The following SH3TC1 variants were observed in gnomAD, a reference collection of about 807,000 sequenced individuals.
The protein encoded by SH3TC1 is SH3 domain and tetratricopeptide repeat-containing protein 1.
Under a neutral mutation model 117.3 loss-of-function variants are expected in SH3TC1, and 135 were observed. That is an observed-to-expected ratio of 1.15 (90% CI 1.00 to 1.33). The LOEUF (loss-of-function observed/expected upper bound fraction) is 1.33. Among genes scored for constraint, SH3TC1 ranks in the 40% most tolerant of loss-of-function variants. The pLI is 0.00. For missense variants in SH3TC1, 2,092 were observed against 1,794.3 expected, an observed-to-expected ratio of 1.17 and a Z score of -3.00; for synonymous variants, 898 against 816.9, an observed-to-expected ratio of 1.10 and a Z score of -1.69.
chr4:8,199,256 G>C (rs1717674206), upstream of SH3TC1: 1 of 152,310 alleles, frequency 6.6e-6, no homozygotes, highest in Non-Finnish European at 1.5e-5. Flanking sequence ...CCGCTGTGCA[G>C]TCAGCCTGGC....
At position 8,240,990 on chromosome 4, in the gene SH3TC1, G is replaced by C; in HGVS notation, c.*35G>C. On this transcript the variant is annotated 3_prime_UTR_variant, in exon 18 of 18. Coordinates refer to ENST00000245105, the MANE Select transcript of SH3TC1 (RefSeq NM_018986.5). ...CCAAGGGAGTGGGTTTTGTGCAAGGGCTGGGGGTCTCCTGCCTCTCCTGGT... is the reference window on the plus strand; with the variant it reads ...CCAAGGGAGTGGGTTTTGTGCAAGGCCTGGGGGTCTCCTGCCTCTCCTGGT... 1 of 1,592,538 alleles carries C rather than the reference G, an allele frequency of 6.3e-7. No individual in the cohort carries two copies. The highest frequency in any genetic ancestry group is 8.5e-7 in the Non-Finnish European group (1 of 1,171,056).
chr4:8,237,272 T>C (rs2152998440), intron 16 of SH3TC1: 1 of 482,120 alleles, frequency 2.1e-6, no homozygotes, highest in East Asian at 3.5e-5. Context: ...AGTCCGACTT[T>C]GCCAAAGCCT....
At chr4:8,216,566 C>T (rs964261003) in intron 6 of SH3TC1, among the ~76,000 whole-genome samples, 1 of 152,286 alleles carries the variant, frequency 6.6e-6, no homozygotes, top group African/African-American at 2.4e-5. Flanking sequence ...GGCTGGCCGC[C>T]GAGTCTGAGG....
At chr4:8,235,289 CG>C in intron 14 of SH3TC1, 143 bp from the exon 15 acceptor site, 1 of 967,228 alleles carries the variant, frequency 1.0e-6, no homozygotes, top group Non-Finnish European at 1.4e-6. Flanking sequence ...GCGGTGGGGG[CG>C]GCCCTAATGC....
chr4:8,202,166 A>C (rs1717882885), intron 1 of SH3TC1, among the ~76,000 whole-genome samples: 1 of 152,196 alleles, frequency 6.6e-6, no homozygotes, highest in South Asian at 2.1e-4. Context: ...GGTGGTGGGC[A>C]CAGGCAGCCA....
intron 1 of SH3TC1, among the ~76,000 whole-genome samples, chr4:8,189,390 G>A (rs534208306): frequency 3.9e-5 from 6 of 152,278 alleles, no homozygotes; most frequent in Non-Finnish European, 8.8e-5. Flanking sequence ...CGCAGGGCAA[G>A]GGCTGGCCGG....
rs1050435415 is a variant in SH3TC1 at position 8,183,096 on chromosome 4, T to G, written c.-57+886T>G. 6.6e-6 allele frequency among the ~76,000 whole-genome samples: 1 copy of G among 152,120 alleles called. No individual in the cohort carries two copies. On this transcript the variant is annotated intron_variant, in intron 1 of 16. Coordinates refer to the SH3TC1 transcript ENST00000508641. The surrounding 1 kb of genome is among the most constrained non-coding windows in gnomAD (Gnocchi z 5.4). ...GGCCCCTGGCAAGGGGTGGGGCCTCTGTGAGCCTCAGTTTCTCAGCATGCC... is the reference window on the plus strand; with the variant it reads ...GGCCCCTGGCAAGGGGTGGGGCCTCGGTGAGCCTCAGTTTCTCAGCATGCC...
At chr4:8,237,763 T>A in intron 17 of SH3TC1, 93 bp downstream of exon 17, 1 of 1,356,076 alleles carries the variant, frequency 7.4e-7, no homozygotes, top group Non-Finnish European at 9.9e-7. Flanking sequence ...CAGCCTTCCT[T>A]AAGAATGGCC....
chr4:8,202,376 C>A (rs568870073), intron 1 of SH3TC1, among the ~76,000 whole-genome samples: 71 of 152,350 alleles, frequency 4.7e-4, no homozygotes, highest in African/African-American at 1.7e-3. Flanking sequence ...CTGTGTTCTG[C>A]GTCCGCAGTT....
chr4:8,188,756 G>A (rs1717314595), intron 1 of SH3TC1, among the ~76,000 whole-genome samples: 1 of 152,238 alleles, frequency 6.6e-6, no homozygotes, highest in East Asian at 1.9e-4. Flanking sequence ...GACGCCACCT[G>A]GGAGACACCC....
At chr4:8,222,178 G>T (rs1274242404) in intron 9 of SH3TC1, among the ~76,000 whole-genome samples, 2 of 151,956 alleles carry the variant, frequency 1.3e-5, no homozygotes, top group Non-Finnish European at 1.5e-5. Context: ...AGATTGGATT[G>T]GTTCTGTCTG....
chr4:8,212,280 A>G (rs1718814624), intron 3 of SH3TC1, among the ~76,000 whole-genome samples: 1 of 150,718 alleles, frequency 6.6e-6, no homozygotes, highest in Non-Finnish European at 1.5e-5. Context: ...GTGGAGGAGG[A>G]GCTTGCTAAG....
At chr4:8,196,135 G>T (rs1047009523), upstream of SH3TC1, among the ~76,000 whole-genome samples, 4 of 152,258 alleles carry the variant, frequency 2.6e-5, no homozygotes, top group African/African-American at 9.6e-5. The surrounding 1 kb of genome is among the most constrained non-coding windows in gnomAD (Gnocchi z 4.6). Flanking sequence ...ACTGAGGTGT[G>T]CACCTGTGCT....
intron 11 of SH3TC1, among the ~76,000 whole-genome samples, chr4:8,226,442 C>G (rs1720465742): frequency 6.6e-6 from 1 of 152,224 alleles, no homozygotes; most frequent in East Asian, 1.9e-4. Context: ...GCTACAACAT[C>G]CCTGTCCTCT....
chr4:8,201,963 A>G (rs1257736239), intron 1 of SH3TC1, among the ~76,000 whole-genome samples: 1 of 152,200 alleles, frequency 6.6e-6, no homozygotes, highest in Non-Finnish European at 1.5e-5. Flanking sequence ...ACAAAAAGGC[A>G]GAGATGGGAG....
At chr4:8,236,136 C>T (rs1485403396) in intron 15 of SH3TC1, 142 bp from the exon 16 acceptor site, 14 of 1,117,156 alleles carry the variant, frequency 1.3e-5, no homozygotes, top group Non-Finnish European at 1.7e-5. Flanking sequence ...CTGAACCGCC[C>T]TTTATCTCAG....
chr4:8,236,696 TCCAGACATG>T (rs973941223), intron 16 of SH3TC1: 20 of 402,606 alleles, frequency 5.0e-5, no homozygotes, highest in Non-Finnish European at 7.5e-5. Context: ...CCCTCTGCCT[TCCAGACATG>T]CCAGACATCT....
chr4:8,227,224 G>T lies in SH3TC1; in HGVS notation c.1530G>T (p.Gly510=). 6.3e-7 allele frequency: 1 copy of T among 1,575,948 alleles called. No homozygotes were observed. The highest frequency in any genetic ancestry group is 1.3e-5 in the African/African-American group (1 of 74,166). ...TGCTGCTGTTCCTGAACGCCCCTGGGTACAAGGCCAGCTTCCGTGGCCTGT... is the reference window on the plus strand; with the variant it reads ...TGCTGCTGTTCCTGAACGCCCCTGGTTACAAGGCCAGCTTCCGTGGCCTGT... ...SSLLLFLNAP[G]YKASFRGLYD... Residue 510 remains glycine (G), a synonymous_variant, in exon 12 of 18, where the codon GGG becomes GGT. Coordinates refer to ENST00000245105, the MANE Select transcript of SH3TC1 (RefSeq NM_018986.5).
chr4:8,199,066 A>C (rs1278793035), upstream of SH3TC1, among the ~76,000 whole-genome samples: 1 of 152,190 alleles, frequency 6.6e-6, no homozygotes, highest in Non-Finnish European at 1.5e-5. Context: ...GGGTGCCCCT[A>C]GCCTCTACTA....
Sources: gnomAD v4.1 joint callset for allele counts (sites outside exome capture counted in the v4.1 genomes callset) on GRCh38, gnomAD v4.1.1 for gene constraint, Gnocchi (gnomAD v3.1) non-coding constraint, MANE v1.5 for transcripts, NCBI Gene and HGNC (gene_info 2026-07-23, HGNC 2026-07-21) for gene names.